Variants in GLB1L2 observed in about 807,000 individuals in gnomAD.
The protein encoded by GLB1L2 is beta-galactosidase-1-like protein 2.
GLB1L2 carries 68 observed loss-of-function variants against 84.1 expected under a neutral mutation model. The ratio of observed to expected loss-of-function variants is 0.81; its 90% CI spans 0.67 to 0.99. GLB1L2 has a LOEUF of 0.99. GLB1L2 is among the 50% of genes least tolerant of loss of function. The probability of loss-of-function intolerance (pLI) is 0.00; values close to 1 mark genes in which losing one functional copy is unlikely to be tolerated. For synonymous variants in GLB1L2, 290 were observed against 318.0 expected (o/e 0.91, Z 0.94); for missense variants, 762 against 805.6 (o/e 0.95, Z 0.66).
chr11:134,334,361 G>A lies in GLB1L2; in HGVS notation c.86+2214G>A, dbSNP rs543945688. On this transcript the variant is annotated intron_variant, in intron 1 of 18. Coordinates refer to ENST00000535456, the MANE Select transcript of GLB1L2 (RefSeq NM_001370461.1). The surrounding 1 kb of genome is among the most constrained non-coding windows in gnomAD (Gnocchi z 4.1). ...CTTTTTTTTCATCAACTTTTCCTTG[G>A]GCTGGTTCACGGTCAGTCATAGCTG... 6.6e-6 allele frequency among the ~76,000 whole-genome samples: 1 copy of A among 152,144 alleles called. No homozygotes were observed. The highest frequency in any genetic ancestry group is 1.9e-4 in the East Asian group (1 of 5,178).
At chr11:134,346,316 CCA>C (rs1943551795) in intron 4 of GLB1L2, 1 of 152,750 alleles carries the variant, frequency 6.5e-6, no homozygotes, top group East Asian at 1.9e-4. Context: ...AAGCTGTGTG[CCA>C]CCGTCAGCGA....
intron 6 of GLB1L2, 130 bp from the exon 7 acceptor site, chr11:134,358,930 G>T: frequency 1.6e-6 from 1 of 630,948 alleles, no homozygotes; most frequent in Non-Finnish European, 2.7e-6. Context: ...TTCTGTTTTT[G>T]GCAGAGAAAT....
At position 134,371,734 on chromosome 11, in the gene GLB1L2, G is replaced by A. The variant is rs1565443328; in HGVS notation, c.1429-18G>A. The A allele has an allele frequency of 1.9e-6, 3 of 1,613,586 alleles. No homozygotes were observed. Among genetic ancestry groups the A allele is most frequent in the Non-Finnish European group, 2.5e-6 (3 of 1,179,676 alleles). Reference sequence around the variant, plus strand: ...TGTGGCCTTCTGACAGTCATCGTTAGCCCCGTGTTCCCGGCAGGGTTACAC... The same window carrying A: ...TGTGGCCTTCTGACAGTCATCGTTAACCCCGTGTTCCCGGCAGGGTTACAC... On this transcript the variant is annotated intron_variant, in intron 14 of 18. Transcript: ENST00000535456.
Position 134,342,970 on chromosome 11 carries a change from C to CT in GLB1L2, c.284+19_284+20insT. On this transcript the variant is annotated intron_variant, in intron 2 of 18. Coordinates refer to ENST00000535456, the MANE Select transcript of GLB1L2 (RefSeq NM_001370461.1). ...TCACCACGTAGGTGCTGCCCCTGTC[C>CT]CCCCGGAGCCTGGTTCCTAAGCAGG... 2 of 1,592,174 alleles carry CT rather than the reference C, an allele frequency of 1.3e-6. No individual in the cohort carries two copies. The highest frequency in any genetic ancestry group is 1.7e-6 in the Non-Finnish European group (2 of 1,167,082).
At chr11:134,363,666 A>G (rs1173023154) in intron 7 of GLB1L2, among the ~76,000 whole-genome samples, 1 of 152,228 alleles carries the variant, frequency 6.6e-6, no homozygotes, top group Non-Finnish European at 1.5e-5. Context: ...CTTTGTTTAC[A>G]TCATTACCTT....
At chr11:134,374,923 C>A in intron 18 of GLB1L2, 49 bp from the exon 19 acceptor site, 1 of 1,566,784 alleles carries the variant, frequency 6.4e-7, no homozygotes, top group Non-Finnish European at 8.7e-7. Context: ...CCTCCCCTGG[C>A]TCCAGGACAG....
At chr11:134,343,768 A>G (rs1943504988) in intron 2 of GLB1L2, among the ~76,000 whole-genome samples, 1 of 152,246 alleles carries the variant, frequency 6.6e-6, no homozygotes, top group African/African-American at 2.4e-5. Flanking sequence ...ACTTGCTGAA[A>G]GGCAGAGCTC....
chr11:134,336,175 C>T (rs1018624836), intron 1 of GLB1L2, among the ~76,000 whole-genome samples: 10 of 152,188 alleles, frequency 6.6e-5, no homozygotes, highest in African/African-American at 2.4e-4. Flanking sequence ...TTCTTTGACA[C>T]TCAGCGAAAC....
At chr11:134,345,629 C>T (rs896521744) in intron 4 of GLB1L2, among the ~76,000 whole-genome samples, 8 of 152,080 alleles carry the variant, frequency 5.3e-5, no homozygotes, top group Non-Finnish European at 7.4e-5. Context: ...TGCCACCACG[C>T]GCAGCTAATT....
intron 5 of GLB1L2, among the ~76,000 whole-genome samples, chr11:134,350,894 G>A (rs1943620020): frequency 1.3e-5 from 2 of 152,188 alleles, no homozygotes; most frequent in South Asian, 4.1e-4. Context: ...TATCCTGCAA[G>A]CTTACTGAAT....
chr11:134,351,486 C>A (rs1288340120), intron 5 of GLB1L2, among the ~76,000 whole-genome samples: 1 of 151,866 alleles, frequency 6.6e-6, no homozygotes, highest in African/African-American at 2.4e-5. Context: ...GCTGGGGTTA[C>A]AAGCACCTGC....
At chr11:134,360,481 C>G (rs1565439597) in intron 7 of GLB1L2, 1 of 152,216 alleles carries the variant, frequency 6.6e-6, no homozygotes, top group Non-Finnish European at 1.5e-5. Context: ...CCGGGCTCCG[C>G]AGGGCTGTGG....
intron 7 of GLB1L2, among the ~76,000 whole-genome samples, chr11:134,363,497 G>A (rs1943825902): frequency 6.6e-6 from 1 of 152,214 alleles, no homozygotes; most frequent in Non-Finnish European, 1.5e-5. Context: ...CACTGGGGTG[G>A]GCGTGGGCAT....
chr11:134,361,734 A>G (rs1014700631), intron 7 of GLB1L2, among the ~76,000 whole-genome samples: 3 of 151,608 alleles, frequency 2.0e-5, no homozygotes, highest in African/African-American at 7.3e-5. Flanking sequence ...CCTCGCTCTC[A>G]TTGTTCTGGC....
chr11:134,362,604 G>C (rs543417508), intron 7 of GLB1L2, among the ~76,000 whole-genome samples: 86 of 152,346 alleles, frequency 5.6e-4, no homozygotes, highest in African/African-American at 1.9e-3. Context: ...GAGAAGTCCT[G>C]GGTTCTTGCC....
intron 5 of GLB1L2, among the ~76,000 whole-genome samples, chr11:134,349,621 TG>T (rs1167306776): frequency 2.0e-5 from 3 of 152,352 alleles, no homozygotes; most frequent in South Asian, 2.1e-4. Context: ...CCTGTTTATC[TG>T]GGGAGAGCCA....
Position 134,375,138 on chromosome 11 carries a change from C to A in GLB1L2, c.*80C>A. On this transcript the variant is annotated 3_prime_UTR_variant, in exon 19 of 19. Transcript: ENST00000535456. ...CTGAAGCCTGGTGGCTGCTGCCCCA[C>A]CCCTCACTGCAAAAGCATCTCCTTA... 1 of 1,071,892 alleles carries A rather than the reference C, an allele frequency of 9.3e-7. No homozygotes were observed. Among genetic ancestry groups the A allele is most frequent in the Non-Finnish European group, 1.4e-6 (1 of 718,126 alleles). 66.4% of individuals were successfully genotyped at this position (1,071,892 alleles called of 1,614,324 possible).
intron 7 of GLB1L2, among the ~76,000 whole-genome samples, chr11:134,361,758 G>A (rs1001946026): frequency 6.6e-6 from 1 of 152,088 alleles, no homozygotes; most frequent in African/African-American, 2.4e-5. Context: ...CATGGTGGGG[G>A]GTCTGCTGCT....
chr11:134,373,074 A>G (rs1005505680), intron 15 of GLB1L2, among the ~76,000 whole-genome samples: 5 of 152,178 alleles, frequency 3.3e-5, no homozygotes, highest in Non-Finnish European at 7.4e-5. Context: ...GCGTGCCCAC[A>G]TAGACCCGCA....
Sources: allele counts gnomAD v4.1 joint callset (sites outside exome capture counted in the v4.1 genomes callset), GRCh38; gene constraint gnomAD v4.1.1; non-coding constraint Gnocchi (gnomAD v3.1); transcripts MANE v1.5; gene names NCBI Gene and HGNC (gene_info 2026-07-23, HGNC 2026-07-21).